The following TIMELESS variants were observed in gnomAD, a reference collection of about 807,000 sequenced individuals.
TIMELESS encodes the protein protein timeless homolog.
In TIMELESS, 124 loss-of-function variants were observed where a neutral mutation model predicts 164.3. That is an observed-to-expected ratio of 0.75 (90% CI 0.65 to 0.88). The LOEUF is 0.88. Ranked by LOEUF, TIMELESS falls within the 40% of genes least tolerant of loss-of-function variation. The pLI is 0.00. For missense variants in TIMELESS, 1,422 were observed against 1,491.4 expected (o/e 0.95, Z 0.77); for synonymous variants, 564 against 563.4 (o/e 1.00, Z -0.02).
intron 7 of TIMELESS, among the ~76,000 whole-genome samples, chr12:56,431,887 T>C (rs1881897807): frequency 8.4e-6 from 1 of 119,334 alleles, no homozygotes; most frequent in Non-Finnish European, 1.9e-5. Flanking sequence ...TTTTATAGAA[T>C]GTATATATGT....
At chr12:56,422,477 G>A (rs1226317820) in intron 19 of TIMELESS, among the ~76,000 whole-genome samples, 1 of 152,212 alleles carries the variant, frequency 6.6e-6, no homozygotes, top group Non-Finnish European at 1.5e-5. Context: ...TGTGAAAGGA[G>A]AGGGGCTGAG....
Position 56,423,914 on chromosome 12 carries a change from A to G in TIMELESS, c.1869-20T>C, listed in dbSNP as rs958870406. 3 of 1,608,012 alleles carry G rather than the reference A, an allele frequency of 1.9e-6. No homozygotes were observed. In the African/African-American group the frequency reaches 4.0e-5, roughly 21 times the overall value. On this transcript the variant is annotated intron_variant, in intron 15 of 28. Coordinates refer to ENST00000553532, the MANE Select transcript of TIMELESS (RefSeq NM_003920.5). ...ACCTCCCTGGAGCACAGATAGAAAA[A>G]AGGCTTTACCCAGGGGAAATCTGGC...
chr12:56,442,721 T>C (rs1592257806), intron 1 of TIMELESS, among the ~76,000 whole-genome samples: 1 of 152,166 alleles, frequency 6.6e-6, no homozygotes, highest in Admixed American at 6.5e-5. Context: ...TCTATAGTGA[T>C]ATAAGATAGA....
chr12:56,424,933 T>C lies in TIMELESS; in HGVS notation c.1717-20A>G, dbSNP rs1172029670. ...AGAATTCTAGAGATGGATAAAGCTA[T>C]GGGAGCGGAGGGAGTGGAAAACCCA... On this transcript the variant is annotated intron_variant, in intron 14 of 28. Transcript: ENST00000553532. 1.2e-6 allele frequency: 2 copies of C among 1,614,172 alleles called. No individual in the cohort carries two copies. Among genetic ancestry groups the C allele is most frequent in the Non-Finnish European group, 8.5e-7 (1 of 1,180,008 alleles).
chr12:56,445,165 C>T (rs549331243), intron 1 of TIMELESS, among the ~76,000 whole-genome samples: 1 of 151,944 alleles, frequency 6.6e-6, no homozygotes, highest in South Asian at 2.1e-4. Context: ...GTGGCTCATG[C>T]CTGTAATCCC....
intron 7 of TIMELESS, among the ~76,000 whole-genome samples, chr12:56,431,807 T>C (rs1881893736): frequency 6.6e-6 from 1 of 151,566 alleles, no homozygotes; most frequent in South Asian, 2.1e-4. Context: ...TATATATATG[T>C]ATATATTCAT....
chr12:56,432,254 C>T, intron 7 of TIMELESS, 115 bp downstream of exon 7: 1 of 1,278,098 alleles, frequency 7.8e-7, no homozygotes, highest in South Asian at 1.5e-5. Context: ...CATGGCTACT[C>T]CTGCTGTCGC....
Position 56,421,915 on chromosome 12 carries a change from C to G in TIMELESS, c.2626G>C (p.Val876Leu). 6.2e-7 allele frequency: 1 copy of G among 1,614,214 alleles called. No homozygotes were observed. Among genetic ancestry groups the G allele is most frequent in the South Asian group, 1.1e-5 (1 of 91,088 alleles). Reference protein sequence around the residue: ...HLVQMGLADSVKDFQRKGTHI... With the variant: ...HLVQMGLADSLKDFQRKGTHI... ...CCTCTCTACCTTTGGAAGTCCTTGACACTGTCAGCCAGTCCCATCTGTACC... is the reference window on the plus strand; with the variant it reads ...CCTCTCTACCTTTGGAAGTCCTTGAGACTGTCAGCCAGTCCCATCTGTACC... Residue 876 changes from valine (V) to leucine (L), a missense_variant, in exon 21 of 29, where the codon GTC becomes CTC. Coordinates refer to ENST00000553532, the MANE Select transcript of TIMELESS (RefSeq NM_003920.5).
chr12:56,423,660 C>T lies in TIMELESS; in HGVS notation c.2014G>A (p.Glu672Lys), dbSNP rs1462029211. The change falls in exon 17 of 29, where the codon GAG becomes AAG. Residue 672 changes from glutamate to lysine, a missense_variant. Transcript: ENST00000553532. ...ERGAEEEEEE[E>K]EEEEEELQVV... Reference sequence around the variant, plus strand: ...TGCAACTCCTCCTCTTCCTCCTCCTCCTCCTCTTCTTCTTCCTCTGCCCCA... The same window carrying T: ...TGCAACTCCTCCTCTTCCTCCTCCTTCTCCTCTTCTTCTTCCTCTGCCCCA... 1 of 1,614,056 alleles carries T rather than the reference C, an allele frequency of 6.2e-7. No individual in the cohort carries two copies. The highest frequency in any genetic ancestry group is 1.7e-5 in the Admixed American group (1 of 59,996).
intron 13 of TIMELESS, among the ~76,000 whole-genome samples, chr12:56,425,692 C>G (rs1881654368): frequency 6.6e-6 from 1 of 151,938 alleles, no homozygotes; most frequent in East Asian, 1.9e-4. Context: ...CTGGGCAACA[C>G]AGCGAGACCC....
In TIMELESS at chr12:56,430,259, A is replaced by G. The variant is rs772218671; in HGVS notation, c.932T>C (p.Leu311Ser). ...LHNLRNYSSD[L>S]GKQPKKVPKR... ...AGGCACCTTTTTCGGCTGCTTTCCC[A>G]AATCTGAACTGTAGTTTCGTAGCTG... The change falls in exon 10 of 29, where the codon TTG (leucine) becomes TCG (serine). Residue 311 changes from leucine (L) to serine (S), a missense_variant. Coordinates refer to ENST00000553532, the MANE Select transcript of TIMELESS (RefSeq NM_003920.5). 1.9e-6 allele frequency: 3 copies of G among 1,613,302 alleles called. No homozygotes were observed. The African/African-American group carries it at 4.0e-5, about 22-fold the overall frequency.
chr12:56,417,976 C>G lies in TIMELESS; in HGVS notation c.3487G>C (p.Ala1163Pro), dbSNP rs758566947. ...AGCAATTGTCGTTTCTTGGGTGCTGCCTTCAGCGGCTCTTTACCAACAGCG... is the reference window on the plus strand; with the variant it reads ...AGCAATTGTCGTTTCTTGGGTGCTGGCTTCAGCGGCTCTTTACCAACAGCG... ...EDAVGKEPLK[A>P]APKKRQLLDS... is the part of the protein sequence containing the mutation. Residue 1163 changes from alanine (A) to proline (P), a missense_variant, in exon 28 of 29, where the codon GCA becomes CCA. Ala to Pro is a conservative substitution (Grantham distance 27). Coordinates refer to ENST00000553532, the MANE Select transcript of TIMELESS (RefSeq NM_003920.5). 2 of 1,614,210 alleles carry G rather than the reference C, an allele frequency of 1.2e-6. No homozygotes were observed. The highest frequency in any genetic ancestry group is 1.1e-5 in the South Asian group (1 of 91,090).
intron 24 of TIMELESS, 29 bp from the exon 25 acceptor site, chr12:56,420,910 A>T: frequency 6.2e-7 from 1 of 1,613,948 alleles, no homozygotes. Flanking sequence ...CTTACATTTG[A>T]CCCTACTCCC....
In TIMELESS at chr12:56,421,773, C is replaced by T; in HGVS notation, c.2679G>A (p.Gln893=). 6.2e-7 allele frequency: 1 copy of T among 1,614,216 alleles called. No individual in the cohort carries two copies. The highest frequency in any genetic ancestry group is 8.5e-7 in the Non-Finnish European group (1 of 1,180,050). The change falls in exon 22 of 29, where the codon CAG becomes CAA. Residue 893 remains glutamine (Q), a synonymous_variant. Transcript: ENST00000553532. The stretch of plus-strand genomic sequence containing the variant: ...CAAAAAGCCGCTGCAGCTCCAACTC[C>T]TGATCCCCCGTCCACAGTACAATAT... ...GTHIVLWTGD[Q]ELELQRLFEE... is the part of the protein sequence containing the mutation.
chr12:56,443,632 C>T (rs4630333), intron 1 of TIMELESS, among the ~76,000 whole-genome samples: 51,620 of 152,062 alleles, frequency 0.34, 10,443 homozygotes, highest in East Asian at 0.64. Flanking sequence ...ACCCCCCTCC[C>T]CTTCTAAAAT....
chr12:56,431,044 T>C (rs1409805565), intron 8 of TIMELESS, 76 bp from the exon 9 acceptor site: 2 of 1,044,948 alleles, frequency 1.9e-6, no homozygotes, highest in Non-Finnish European at 1.4e-6. Context: ...CATCGGCACA[T>C]TGGAGCAAGT....
rs1389004377 is a variant in TIMELESS at position 56,425,018 on chromosome 12, G to C, written c.1713C>G (p.Ala571=). ...CAGGGTTTCTGTAACCACCTACCTG[G>C]GCACAGCACTGTAGCTGCTCAGCCA... ...PALAEQLQCC[A]QNSELSMDSV... is the part of the protein sequence containing the mutation. The change falls in exon 14 of 29, where the codon GCC becomes GCG. Residue 571 remains alanine, a synonymous_variant. Transcript: ENST00000553532. The C allele has an allele frequency of 8.1e-6, 13 of 1,614,134 alleles. No homozygotes were observed. The highest frequency in any genetic ancestry group is 1.0e-5 in the Non-Finnish European group (12 of 1,180,008).
At chr12:56,444,730 G>C (rs551985533) in intron 1 of TIMELESS, among the ~76,000 whole-genome samples, 3 of 151,936 alleles carry the variant, frequency 2.0e-5, no homozygotes, top group South Asian at 4.2e-4. Flanking sequence ...CTTAAGGGGG[G>C]AAAAATCCAA....
Position 56,426,543 on chromosome 12 carries a change from C to A in TIMELESS, c.1579-1391G>T, listed in dbSNP as rs775881369. Reference sequence around the variant, plus strand: ...CTGGGATTACAGGTGTGTGCCACCACGCCAGGCTAATTTTTGTTTGTTTGT... The same window carrying A: ...CTGGGATTACAGGTGTGTGCCACCAAGCCAGGCTAATTTTTGTTTGTTTGT... On this transcript the variant is annotated intron_variant, in intron 13 of 28. Transcript: ENST00000553532. 2.7e-5 allele frequency among the ~76,000 whole-genome samples: 4 copies of A among 150,846 alleles called. No homozygotes were observed. The East Asian group carries it at 7.8e-4, about 29-fold the overall frequency.
Sources: allele counts gnomAD v4.1 joint callset (sites outside exome capture counted in the v4.1 genomes callset), GRCh38; gene constraint gnomAD v4.1.1; transcripts MANE v1.5; gene names NCBI Gene and HGNC (gene_info 2026-07-23, HGNC 2026-07-21).